Variants in CTBP1 observed in about 807,000 individuals in gnomAD.
The protein encoded by CTBP1 is C-terminal-binding protein 1.
In CTBP1, 11 loss-of-function variants were observed where a neutral mutation model predicts 42.1. The ratio of observed to expected loss-of-function variants is 0.26; its 90% CI spans 0.16 to 0.43. CTBP1 has a LOEUF of 0.43. CTBP1 is among the 20% of genes least tolerant of loss of function. CTBP1 has a pLI of 1.00. For missense variants in CTBP1, 399 were observed against 624.3 expected (o/e 0.64, Z 3.85); for synonymous variants, 324 against 277.1 (o/e 1.17, Z -1.68).
chr4:1,242,109 A>C, intron 1 of CTBP1: 1 of 985,382 alleles, frequency 1.0e-6, no homozygotes, highest in Non-Finnish European at 1.2e-6. Context: ...TTCTCCCAAA[A>C]AAACTGCTCA....
chr4:1,233,665 G>A lies in CTBP1; in HGVS notation c.162+4518C>T, dbSNP rs1043848302. Among the ~76,000 whole-genome samples the A allele has an allele frequency of 1.3e-5, 2 of 152,116 alleles. No individual in the cohort carries two copies. Among genetic ancestry groups the A allele is most frequent in the Non-Finnish European group, 2.9e-5 (2 of 68,026 alleles). ...CCGGTGGGTGACATCCCCCACCCGT[G>A]GTATCAGTAAAATCCCAGTCCTGAA... On this transcript the variant is annotated intron_variant, in intron 3 of 9. Coordinates refer to ENST00000382952, the MANE Select transcript of CTBP1 (RefSeq NM_001012614.2). The surrounding 1 kb of genome is among the most constrained non-coding windows in gnomAD (Gnocchi z 4.6).
At chr4:1,234,670 G>A (rs946235958) in intron 3 of CTBP1, 1 of 152,216 alleles carries the variant, frequency 6.6e-6, no homozygotes, top group Non-Finnish European at 1.5e-5. Flanking sequence ...TTTGAGTATT[G>A]TTTACGACAC....
At chr4:1,248,324 G>GC (rs1328527761) in intron 1 of CTBP1, among the ~76,000 whole-genome samples, 2 of 151,776 alleles carry the variant, frequency 1.3e-5, no homozygotes, top group Non-Finnish European at 2.9e-5. Flanking sequence ...TGCGCTTTGG[G>GC]CCCGGTCTGA....
In CTBP1 at chr4:1,228,248, C is replaced by T; in HGVS notation, c.258G>A (p.Arg86=). Residue 86 remains arginine, a synonymous_variant, in exon 4 of 10, where the codon CGG becomes CGA. Transcript: ENST00000382952. ...EKFKALRIIV[R]IGSGFDNIDI... ...CGATGTTGTCAAAACCACTGCCAAT[C>T]CGGACGATGATGCGGAGGGCTTTGA... 1 of 1,614,202 alleles carries T rather than the reference C, an allele frequency of 6.2e-7. No individual in the cohort carries two copies. Among genetic ancestry groups the T allele is most frequent in the Middle Eastern group, 1.7e-4 (1 of 6,060 alleles).
chr4:1,237,438 A>C, intron 3 of CTBP1: 1 of 680,950 alleles, frequency 1.5e-6, no homozygotes, highest in Non-Finnish European at 2.7e-6. Flanking sequence ...CCCCGTGTCC[A>C]CCTCCTGATG....
chr4:1,225,515 G>A lies in CTBP1; in HGVS notation c.359C>T (p.Ser120Leu), dbSNP rs1298186921. The change falls in exon 5 of 10, where the codon TCG (serine) becomes TTG (leucine). Residue 120 changes from serine (S) to leucine (L), a missense_variant. Transcript: ENST00000382952. ...CAGGTTCAGGATGTGGCACAGCGTC[G>A]AGTCGGCCGTCTCCTCCACAGACGC... ...PAASVEETAD[S>L]TLCHILNLYR... 8 of 1,544,910 alleles carry A rather than the reference G, an allele frequency of 5.2e-6. No individual in the cohort carries two copies. The highest frequency in any genetic ancestry group is 1.4e-5 in the African/African-American group (1 of 73,148).
At chr4:1,246,196 C>T (rs1431624165) in intron 1 of CTBP1, among the ~76,000 whole-genome samples, 9 of 152,268 alleles carry the variant, frequency 5.9e-5, no homozygotes, top group Admixed American at 3.9e-4. Flanking sequence ...ATGGAGGACC[C>T]GGGGGTCCAG....
intron 1 of CTBP1, chr4:1,243,525 C>A: frequency 1.0e-6 from 1 of 985,370 alleles, no homozygotes; most frequent in Non-Finnish European, 1.2e-6. Context: ...CAGAAACAGC[C>A]CTGGGGTAGG....
chr4:1,225,490 C>T lies in CTBP1; in HGVS notation c.384G>A (p.Leu128=), dbSNP rs1039008281. 1.3e-6 allele frequency: 2 copies of T among 1,546,116 alleles called. No homozygotes were observed. Among genetic ancestry groups the T allele is most frequent in the African/African-American group, 1.4e-5 (1 of 73,038 alleles). ...GGTGCAGCCAGGTGGCCCGCCGGTA[C>T]AGGTTCAGGATGTGGCACAGCGTCG... ...ADSTLCHILN[L]YRRATWLHQA... Residue 128 remains leucine (L), a synonymous_variant, in exon 5 of 10, where the codon CTG becomes CTA. Transcript: ENST00000382952.
chr4:1,248,136 G>A (rs984864773), intron 1 of CTBP1, among the ~76,000 whole-genome samples: 6 of 152,126 alleles, frequency 3.9e-5, no homozygotes, highest in Admixed American at 2.6e-4. Context: ...AGATGGCGAT[G>A]GTGGCAAGCC....
chr4:1,214,316 G>C lies in CTBP1; in HGVS notation c.860+27C>G, dbSNP rs1282001333. 2.6e-6 allele frequency: 4 copies of C among 1,527,380 alleles called. No homozygotes were observed. In the East Asian group the frequency reaches 1.0e-4, roughly 40 times the overall value. The allele number at this position is 1,527,380 out of a possible 1,614,324, so 94.6% of individuals were successfully genotyped here. A position where few individuals can be genotyped will look rare whatever the true frequency, so the allele number is the denominator to read the frequency against. On this transcript the variant is annotated intron_variant, in intron 7 of 9. Coordinates refer to ENST00000382952, the MANE Select transcript of CTBP1 (RefSeq NM_001012614.2). The stretch of plus-strand genomic sequence containing the variant: ...GCAGGATGGTGGACAGGGAAGAGCA[G>C]GGGGGCGGCACTGGCCGTGGGGGCA...
At chr4:1,244,113 C>G (rs946456415) in intron 1 of CTBP1, 2 of 985,234 alleles carry the variant, frequency 2.0e-6, no homozygotes, top group South Asian at 9.4e-5. Context: ...ACGGTGGCGG[C>G]CCGATGACCC....
rs371865573 is a variant in CTBP1, at chr4:1,227,671, C to T, written c.307+528G>A. Reference sequence around the variant, plus strand: ...ATGTGCATGGGTGCAGATGAGTGTGCGTGTTCCATGTGCTGAGTGCACATG... The same window carrying T: ...ATGTGCATGGGTGCAGATGAGTGTGTGTGTTCCATGTGCTGAGTGCACATG... On this transcript the variant is annotated intron_variant, in intron 4 of 9. Transcript: ENST00000382952. Among the ~76,000 whole-genome samples, 12 of 146,622 alleles carry T rather than the reference C, an allele frequency of 8.2e-5. No homozygotes were observed. The South Asian group carries it at 1.1e-3, about 13-fold the overall frequency.
chr4:1,230,996 C>G (rs1203188903), intron 3 of CTBP1: 3 of 152,282 alleles, frequency 2.0e-5, no homozygotes, highest in African/African-American at 4.8e-5. Flanking sequence ...CAGGTCCTTG[C>G]CCTTTTCCCT....
chr4:1,245,451 G>A (rs890163969), intron 1 of CTBP1: 1 of 985,142 alleles, frequency 1.0e-6, no homozygotes, highest in African/African-American at 1.7e-5. Flanking sequence ...GTCTACACAC[G>A]ACACCACTGG....
chr4:1,226,127 A>G (rs997923111), intron 4 of CTBP1, among the ~76,000 whole-genome samples: 1 of 151,748 alleles, frequency 6.6e-6, no homozygotes, highest in African/African-American at 2.4e-5. Flanking sequence ...AAGCAAGTCC[A>G]TCCCATTTCT....
intron 2 of CTBP1, among the ~76,000 whole-genome samples, chr4:1,239,911 G>A (rs1242579406): frequency 6.6e-6 from 1 of 152,226 alleles, no homozygotes; most frequent in African/African-American, 2.4e-5. Flanking sequence ...TAGACAGGCC[G>A]CCCAGTGACA....
intron 1 of CTBP1, chr4:1,242,453 C>T: frequency 4.1e-6 from 4 of 985,464 alleles, no homozygotes; most frequent in Non-Finnish European, 3.6e-6. Context: ...TCAGCCAAGC[C>T]TAAGACCCTG....
At chr4:1,242,322 C>T (rs762997552) in intron 1 of CTBP1, 13 of 985,366 alleles carry the variant, frequency 1.3e-5, no homozygotes, top group Non-Finnish European at 1.6e-5. Flanking sequence ...GACACAGCAC[C>T]GAGGCTGACC....
Sources: gnomAD v4.1 joint callset for allele counts (sites outside exome capture counted in the v4.1 genomes callset) on GRCh38, gnomAD v4.1.1 for gene constraint, Gnocchi (gnomAD v3.1) non-coding constraint, MANE v1.5 for transcripts, NCBI Gene and HGNC (gene_info 2026-07-23, HGNC 2026-07-21) for gene names.